The following SDHAF4 variants were observed in gnomAD, a reference collection of about 807,000 sequenced individuals.
The protein encoded by SDHAF4 is succinate dehydrogenase complex assembly factor 4.
A neutral mutation model predicts 14.3 loss-of-function variants in SDHAF4; 14 were observed. The observed-to-expected ratio is 0.98, with a 90% CI of 0.65 to 1.53. SDHAF4 has a LOEUF of 1.53. Ranked by LOEUF, SDHAF4 falls within the 40% of genes most tolerant of loss-of-function variation. The pLI is 0.00. For missense variants in SDHAF4, 141 were observed against 129.3 expected, an observed-to-expected ratio of 1.09 and a Z score of -0.44; for synonymous variants, 63 against 47.3, an observed-to-expected ratio of 1.33 and a Z score of -1.36.
At chr6:70,591,488 C>T (rs1426913721), downstream of SDHAF4, among the ~76,000 whole-genome samples, 6 of 151,708 alleles carry the variant, frequency 4.0e-5, no homozygotes, top group Non-Finnish European at 7.4e-5. Flanking sequence ...CTCGCCACCA[C>T]GCCCAGCTAA....
chr6:70,579,075 T>C (rs997007882), intron 1 of SDHAF4, among the ~76,000 whole-genome samples: 1 of 152,254 alleles, frequency 6.6e-6, no homozygotes, highest in Admixed American at 6.5e-5. Flanking sequence ...ATACTAAATA[T>C]TGTCATTGAA....
chr6:70,573,161 A>G (rs918736918), intron 1 of SDHAF4, among the ~76,000 whole-genome samples: 2 of 144,028 alleles, frequency 1.4e-5, no homozygotes, highest in African/African-American at 5.4e-5. Flanking sequence ...ATCTTTCATT[A>G]TTTTTATTCA....
chr6:70,573,923 A>C (rs1480460970), intron 1 of SDHAF4, among the ~76,000 whole-genome samples: 1 of 151,532 alleles, frequency 6.6e-6, no homozygotes, highest in African/African-American at 2.4e-5. Context: ...TAATCTTCCT[A>C]ATTTGGCCTC....
At position 70,576,379 on chromosome 6, in the gene SDHAF4, G is replaced by A. The variant is rs112749894; in HGVS notation, c.65-3035G>A. On this transcript the variant is annotated intron_variant, in intron 1 of 2. Coordinates refer to ENST00000370474, the MANE Select transcript of SDHAF4 (RefSeq NM_145267.3). ...CTCTTTCTACAGATAAAGTCCTTCA[G>A]AAGTCTGCAAGGTCATATTAGGGAC... is the stretch of plus-strand genomic sequence containing the variant. Among the ~76,000 whole-genome samples the A allele has an allele frequency of 4.3e-3, 652 of 152,270 alleles. 3 individuals carry two copies. The highest frequency in any genetic ancestry group is 0.015 in the African/African-American group (615 of 41,548).
At chr6:70,590,688 G>T (rs373238421), downstream of SDHAF4, among the ~76,000 whole-genome samples, 92 of 152,298 alleles carry the variant, frequency 6.0e-4, no homozygotes, top group African/African-American at 2.0e-3. Context: ...CTGCTCTTCT[G>T]TGATCACCCT....
chr6:70,577,030 T>C (rs1228601443), intron 1 of SDHAF4, among the ~76,000 whole-genome samples: 1 of 152,180 alleles, frequency 6.6e-6, no homozygotes, highest in Non-Finnish European at 1.5e-5. Flanking sequence ...ATACATTTCC[T>C]TCTCTCTTTT....
chr6:70,589,109 AG>A lies in SDHAF4; in HGVS notation c.*386del, dbSNP rs759872733. The A allele has an allele frequency of 2.3e-4, 35 of 153,054 alleles. No homozygotes were observed. The highest frequency in any genetic ancestry group is 3.3e-4 in the Non-Finnish European group (23 of 68,996). The allele number at this position is 153,054 out of a possible 1,614,324, so 9.5% of individuals were successfully genotyped here. On this transcript the variant is annotated 3_prime_UTR_variant, in exon 3 of 3. Coordinates refer to ENST00000370474, the MANE Select transcript of SDHAF4 (RefSeq NM_145267.3). ...GAGCGAAACTCCGTCTCAAAAAAAAAGATAGGAAAGGGAAAATATTTTTTCA... is the reference window on the plus strand; with the variant it reads ...GAGCGAAACTCCGTCTCAAAAAAAAAATAGGAAAGGGAAAATATTTTTTCA...
At chr6:70,576,311 A>G (rs2691485) in intron 1 of SDHAF4, among the ~76,000 whole-genome samples, 331 of 152,342 alleles carry the variant, frequency 2.2e-3, no homozygotes, top group African/African-American at 7.7e-3. Flanking sequence ...ACGGCCTCAG[A>G]GTCCCTTGAG....
chr6:70,581,861 G>A (rs181622697), intron 2 of SDHAF4, among the ~76,000 whole-genome samples: 15 of 151,572 alleles, frequency 9.9e-5, no homozygotes, highest in East Asian at 3.9e-4. Context: ...CTTCTGCCTC[G>A]GCCTCCCAAA....
At chr6:70,578,542 G>A (rs1293670916) in intron 1 of SDHAF4, among the ~76,000 whole-genome samples, 9 of 152,138 alleles carry the variant, frequency 5.9e-5, no homozygotes, top group East Asian at 3.8e-4. Context: ...TCTGTTGAGC[G>A]TTTCTTTTGC....
chr6:70,597,175 C>T, the SDHAF4 span, among the ~76,000 whole-genome samples: 1 of 152,012 alleles, frequency 6.6e-6, no homozygotes, highest in East Asian at 1.9e-4. Context: ...GCTCTGTCAC[C>T]CAGGCTGAAG....
At chr6:70,575,461 A>AT (rs896137024) in intron 1 of SDHAF4, among the ~76,000 whole-genome samples, 2 of 137,402 alleles carry the variant, frequency 1.5e-5, no homozygotes, top group Non-Finnish European at 3.1e-5. Flanking sequence ...GTGGTGGCTA[A>AT]TTTTTTTTTG....
chr6:70,575,239 G>A (rs34246525), intron 1 of SDHAF4, among the ~76,000 whole-genome samples: 22,945 of 152,040 alleles, frequency 0.15, 1,887 homozygotes, highest in Middle Eastern at 0.2. Flanking sequence ...TTAGCTCAGC[G>A]TATTGGTGGG....
chr6:70,595,993 G>A, the SDHAF4 span, among the ~76,000 whole-genome samples: 3 of 152,104 alleles, frequency 2.0e-5, no homozygotes, highest in Non-Finnish European at 2.9e-5. Flanking sequence ...AACAACCAAA[G>A]TGTTGTATTA....
At chr6:70,579,958 A>G (rs1023862651) in intron 2 of SDHAF4, among the ~76,000 whole-genome samples, 1 of 151,968 alleles carries the variant, frequency 6.6e-6, no homozygotes, top group Non-Finnish European at 1.5e-5. Context: ...TAATGTACAC[A>G]TATTATATAT....
chr6:70,575,645 T>C (rs1351311597), intron 1 of SDHAF4, among the ~76,000 whole-genome samples: 6 of 152,308 alleles, frequency 3.9e-5, no homozygotes, highest in African/African-American at 1.4e-4. Flanking sequence ...CTGTAGAGTT[T>C]TGGCATTTCT....
Position 70,589,057 on chromosome 6 carries a change from G to A in SDHAF4, c.*333G>A, listed in dbSNP as rs181434375. The A allele has an allele frequency of 9.0e-4, 139 of 154,366 alleles. 1 individual carries two copies. Among genetic ancestry groups the A allele is most frequent in the African/African-American group, 3.3e-3 (134 of 41,228 alleles). The allele number at this position is 154,366 out of a possible 1,614,324, so 9.6% of individuals were successfully genotyped here. ...GGAGGTTGCGGTGAGCTGAGGTCGC[G>A]CCATTGCACTCCAGCCTGGGCAACA... On this transcript the variant is annotated 3_prime_UTR_variant, in exon 3 of 3. Coordinates refer to ENST00000370474, the MANE Select transcript of SDHAF4 (RefSeq NM_145267.3).
chr6:70,572,306 C>T (rs943464445), intron 1 of SDHAF4, among the ~76,000 whole-genome samples: 2 of 151,992 alleles, frequency 1.3e-5, no homozygotes, highest in African/African-American at 4.8e-5. Context: ...TTCAGAGCAC[C>T]AACCTTTGTT....
chr6:70,594,099 C>G (rs2128537178), downstream of SDHAF4, among the ~76,000 whole-genome samples: 1 of 152,304 alleles, frequency 6.6e-6, no homozygotes, highest in African/African-American at 2.4e-5. Context: ...AAATGTGTAT[C>G]CTATGCCTGT....
Sources: allele counts gnomAD v4.1 joint callset (sites outside exome capture counted in the v4.1 genomes callset), GRCh38; gene constraint gnomAD v4.1.1; transcripts MANE v1.5; gene names NCBI Gene and HGNC (gene_info 2026-07-23, HGNC 2026-07-21).